The following MAP2 variants were observed in gnomAD, a reference collection of about 807,000 sequenced individuals.
MAP2 encodes the protein microtubule-associated protein 2.
In MAP2, 14 loss-of-function variants were observed where a neutral mutation model predicts 137.6. That is an observed-to-expected ratio of 0.10 (90% CI 0.07 to 0.16). MAP2 has a LOEUF of 0.16. Among genes scored for constraint, MAP2 ranks in the 10% least tolerant of loss-of-function variants. The pLI, the probability that MAP2 is intolerant of heterozygous loss-of-function variation, is 1.00. For synonymous variants in MAP2, 786 were observed against 782.3 expected (o/e 1.00, Z -0.08); for missense variants, 2,088 against 2,191.5 (o/e 0.95, Z 0.94).
chr2:209,598,266 A>C (rs2081916008), intron 3 of MAP2, among the ~76,000 whole-genome samples: 1 of 151,902 alleles, frequency 6.6e-6, no homozygotes. Flanking sequence ...CGGCCTCCCA[A>C]AGTATTGGTA....
chr2:209,704,725 T>G, intron 11 of MAP2: 1 of 1,100,654 alleles, frequency 9.1e-7, no homozygotes, highest in East Asian at 2.7e-5. Flanking sequence ...TACTTTACTC[T>G]GAAGTGTTTG....
At chr2:209,644,057 T>C (rs745566415) in intron 4 of MAP2, among the ~76,000 whole-genome samples, 3 of 152,316 alleles carry the variant, frequency 2.0e-5, no homozygotes, top group East Asian at 1.9e-4. Flanking sequence ...AGTCACCCTA[T>C]TGAGCTTGTT....
At chr2:209,701,569 C>T (rs1252625696) in intron 11 of MAP2, among the ~76,000 whole-genome samples, 1 of 151,972 alleles carries the variant, frequency 6.6e-6, no homozygotes, top group Non-Finnish European at 1.5e-5. Flanking sequence ...CAATTCTTAG[C>T]TTACCCTTCT....
intron 4 of MAP2, among the ~76,000 whole-genome samples, chr2:209,651,183 G>A (rs1475654769): frequency 6.6e-6 from 1 of 152,130 alleles, no homozygotes; most frequent in Non-Finnish European, 1.5e-5. Context: ...ATGGAGTGTA[G>A]AACACTGCAG....
chr2:209,635,550 G>A (rs994843100), intron 4 of MAP2, among the ~76,000 whole-genome samples: 5 of 152,148 alleles, frequency 3.3e-5, no homozygotes, highest in African/African-American at 1.2e-4. Flanking sequence ...TTATTTGGAT[G>A]TTTATAAACA....
intron 7 of MAP2, among the ~76,000 whole-genome samples, chr2:209,691,007 C>T (rs1053153215): frequency 3.3e-5 from 5 of 152,294 alleles, no homozygotes; most frequent in South Asian, 2.1e-4. Flanking sequence ...GTGTGGCTTG[C>T]GCAAGTGCTG....
At chr2:209,459,656 A>C (rs1419698551) in intron 1 of MAP2, among the ~76,000 whole-genome samples, 1 of 152,174 alleles carries the variant, frequency 6.6e-6, no homozygotes, top group Non-Finnish European at 1.5e-5. Context: ...ACTCTCTTAC[A>C]TCTGAGGTGC....
intron 4 of MAP2, among the ~76,000 whole-genome samples, chr2:209,630,751 TC>T (rs1452415529): frequency 6.6e-6 from 1 of 151,684 alleles, no homozygotes; most frequent in East Asian, 1.9e-4. Context: ...ATAAAGGACT[TC>T]TTGACTGTGG....
chr2:209,448,862 G>A (rs977624561), intron 1 of MAP2, among the ~76,000 whole-genome samples: 6 of 152,226 alleles, frequency 3.9e-5, no homozygotes, highest in Non-Finnish European at 5.9e-5. Context: ...CATGGGTTCT[G>A]GGAATTAAAG....
intron 2 of MAP2, among the ~76,000 whole-genome samples, chr2:209,531,090 A>G (rs1214641175): frequency 2.0e-5 from 3 of 152,180 alleles, no homozygotes; most frequent in Admixed American, 2.0e-4. Context: ...TGCCTTTGCT[A>G]TGTTTAATTT....
chr2:209,535,236 C>T (rs75256401), intron 2 of MAP2, among the ~76,000 whole-genome samples: 5,200 of 152,226 alleles, frequency 0.034, 301 homozygotes, highest in African/African-American at 0.12. Context: ...CAAGATTCAT[C>T]CAAGTTGTGT....
At chr2:209,690,770 G>A in intron 7 of MAP2, 2 of 1,289,800 alleles carry the variant, frequency 1.6e-6, no homozygotes, top group South Asian at 2.5e-5. Context: ...TGCCCCAGCA[G>A]GGGCCCCACA....
chr2:209,586,490 A>G (rs1166769866), intron 3 of MAP2, among the ~76,000 whole-genome samples: 1 of 152,180 alleles, frequency 6.6e-6, no homozygotes, highest in Non-Finnish European at 1.5e-5. Context: ...AATGAATATT[A>G]ATTGAATACC....
At chr2:209,650,081 T>C (rs1246570904) in intron 4 of MAP2, among the ~76,000 whole-genome samples, 5 of 152,208 alleles carry the variant, frequency 3.3e-5, no homozygotes, top group Non-Finnish European at 7.3e-5. Context: ...TCTTGGTCAC[T>C]GAGAAATCTG....
intron 4 of MAP2, among the ~76,000 whole-genome samples, chr2:209,634,695 G>T (rs890258587): frequency 6.6e-6 from 1 of 152,072 alleles, no homozygotes; most frequent in Non-Finnish European, 1.5e-5. Context: ...GTTATACCAA[G>T]GGAAAATCTG....
At chr2:209,529,360 C>G (rs773571410) in intron 2 of MAP2, among the ~76,000 whole-genome samples, 1 of 152,118 alleles carries the variant, frequency 6.6e-6, no homozygotes, top group Non-Finnish European at 1.5e-5. Context: ...CGTCAATTAA[C>G]ATGAATAAGT....
chr2:209,627,396 G>A (rs571883567), intron 4 of MAP2, among the ~76,000 whole-genome samples: 1 of 152,182 alleles, frequency 6.6e-6, no homozygotes, highest in South Asian at 2.1e-4. Flanking sequence ...TCAAAGTTGG[G>A]GGAGGAAGAG....
intron 2 of MAP2, among the ~76,000 whole-genome samples, chr2:209,566,367 A>G (rs1426607961): frequency 6.6e-6 from 1 of 152,174 alleles, no homozygotes; most frequent in Non-Finnish European, 1.5e-5. Flanking sequence ...TCCTTGGAAC[A>G]ATGTCCCTGT....
intron 10 of MAP2, among the ~76,000 whole-genome samples, chr2:209,698,986 T>G (rs958931131): frequency 2.6e-5 from 4 of 152,206 alleles, no homozygotes; most frequent in Non-Finnish European, 4.4e-5. Context: ...ACATTTAAAG[T>G]AAATTGTGTT....
Sources: gnomAD v4.1 joint callset for allele counts (sites outside exome capture counted in the v4.1 genomes callset) on GRCh38, gnomAD v4.1.1 for gene constraint, MANE v1.5 for transcripts, NCBI Gene and HGNC (gene_info 2026-07-23, HGNC 2026-07-21) for gene names.